Variants in WFDC8 observed in about 807,000 individuals in gnomAD.
WFDC8 encodes the protein WAP four-disulfide core domain protein 8.
A neutral mutation model predicts 27.0 loss-of-function variants in WFDC8; 24 were observed. That is an observed-to-expected ratio of 0.89 (90% CI 0.64 to 1.25). The LOEUF (loss-of-function observed/expected upper bound fraction) is 1.25, where lower values mean the gene tolerates loss of function less well. Among genes scored for constraint, WFDC8 ranks in the 50% most tolerant of loss-of-function variants. The probability of loss-of-function intolerance (pLI) is 0.00; values close to 1 mark genes in which losing one functional copy is unlikely to be tolerated. For missense variants in WFDC8, 287 were observed against 295.9 expected (o/e 0.97, Z 0.22); for synonymous variants, 106 against 99.7 (o/e 1.06, Z -0.38).
At chr20:45,576,373 C>A (rs1398618299) in intron 1 of WFDC8, among the ~76,000 whole-genome samples, 1 of 151,120 alleles carries the variant, frequency 6.6e-6, no homozygotes, top group Non-Finnish European at 1.5e-5. Context: ...CATCCTTTAT[C>A]CTTAAAGATA....
rs968086432 is a variant in WFDC8 at position 45,563,448 on chromosome 20, G to A, written c.27-1229C>T. On this transcript the variant is annotated intron_variant, in intron 1 of 5. Transcript: ENST00000289953. ...TCACATCCTGAATCCACCACTTATC[G>A]GCTGTGTGGCCTGGGTTCAGTCACT... Among the ~76,000 whole-genome samples, 9 of 152,144 alleles carry A rather than the reference G, an allele frequency of 5.9e-5. No homozygotes were observed. The East Asian group carries it at 1.7e-3, about 29-fold the overall frequency.
chr20:45,557,463 C>T (rs1050543888), intron 3 of WFDC8, among the ~76,000 whole-genome samples: 3 of 151,962 alleles, frequency 2.0e-5, no homozygotes, highest in East Asian at 3.9e-4. Flanking sequence ...GAAGGAGTCT[C>T]GCTGTGTCAC....
intron 3 of WFDC8, among the ~76,000 whole-genome samples, chr20:45,557,474 C>G (rs1174408725): frequency 1.3e-5 from 2 of 151,870 alleles, no homozygotes; most frequent in Admixed American, 6.6e-5. Flanking sequence ...GCTGTGTCAC[C>G]CAGGCCGCAG....
Position 45,552,064 on chromosome 20 carries a change from A to G in WFDC8, c.688T>C (p.Ser230Pro). 6.2e-7 allele frequency: 1 copy of G among 1,614,144 alleles called. No homozygotes were observed. Among genetic ancestry groups the G allele is most frequent in the Non-Finnish European group, 8.5e-7 (1 of 1,179,966 alleles). The change falls in exon 6 of 6, where the codon TCA becomes CCA. Residue 230 changes from serine to proline, a missense_variant. Transcript: ENST00000289953. Reference protein sequence around the residue: ...EECPLVEKCCSHCGLKCMDPR... With the variant: ...EECPLVEKCCPHCGLKCMDPR... ...TCCATACATTTCAGTCCACAATGTG[A>G]GCAGCACTTTTCCACCAATGGGCAC...
At chr20:45,575,850 G>A (rs2145579078) in intron 1 of WFDC8, among the ~76,000 whole-genome samples, 1 of 151,344 alleles carries the variant, frequency 6.6e-6, no homozygotes, top group East Asian at 1.9e-4. Context: ...AGAGCTCCTA[G>A]CTCACACCCC....
At chr20:45,564,165 T>C (rs1044854424) in intron 1 of WFDC8, among the ~76,000 whole-genome samples, 3 of 152,156 alleles carry the variant, frequency 2.0e-5, no homozygotes, top group African/African-American at 4.8e-5. Context: ...ATGAGCATAA[T>C]TGCAAGAGTT....
At chr20:45,553,407 G>A (rs1312615510) in intron 4 of WFDC8, 131 bp from the exon 5 acceptor site, 1 of 1,141,304 alleles carries the variant, frequency 8.8e-7, no homozygotes, top group East Asian at 2.6e-5. Flanking sequence ...TCCATCTCCA[G>A]TAGGCTGTGG....
chr20:45,562,156 G>A lies in WFDC8; in HGVS notation c.90C>T (p.Ser30=), dbSNP rs1440697844. The A allele has an allele frequency of 1.1e-5, 18 of 1,614,164 alleles. No homozygotes were observed. The highest frequency in any genetic ancestry group is 1.5e-5 in the Non-Finnish European group (18 of 1,180,028). ...TTGCAGAAGTCCACTCCAAAGCAAG[G>A]GAGAGAAGCAGCAGGAAAGCTACAT... ...WRNVAFLLLL[S]LALEWTSAML... is the part of the protein sequence containing the mutation. Residue 30 remains serine (S), a synonymous_variant, in exon 2 of 6, where the codon TCC becomes TCT. Coordinates refer to ENST00000289953, the MANE Select transcript of WFDC8 (RefSeq NM_130896.3).
At chr20:45,558,708 T>C in intron 3 of WFDC8, 144 bp downstream of exon 3, 1 of 972,172 alleles carries the variant, frequency 1.0e-6, no homozygotes, top group Non-Finnish European at 1.5e-6. Context: ...ACTTATGACT[T>C]GTACTTGAGG....
chr20:45,577,238 G>A (rs1981075350), intron 1 of WFDC8, among the ~76,000 whole-genome samples: 1 of 151,202 alleles, frequency 6.6e-6, no homozygotes, highest in African/African-American at 2.4e-5. Context: ...TAAAATGGCT[G>A]CCAAGAATTA....
chr20:45,555,076 G>A (rs1231193865), intron 4 of WFDC8, among the ~76,000 whole-genome samples: 1 of 152,138 alleles, frequency 6.6e-6, no homozygotes, highest in Non-Finnish European at 1.5e-5. Flanking sequence ...ACAACTCAAC[G>A]AGCTGTTTGC....
At chr20:45,566,649 C>A (rs1011968782) in intron 1 of WFDC8, among the ~76,000 whole-genome samples, 1 of 151,872 alleles carries the variant, frequency 6.6e-6, no homozygotes, top group African/African-American at 2.4e-5. Flanking sequence ...GGCAACAGAG[C>A]GAGACTCTGT....
intron 1 of WFDC8, among the ~76,000 whole-genome samples, chr20:45,567,228 T>A (rs1021150002): frequency 1.3e-5 from 2 of 152,216 alleles, no homozygotes; most frequent in African/African-American, 4.8e-5. Context: ...CATGGAATCA[T>A]GTTCTCATTC....
Position 45,553,232 on chromosome 20 carries a change from C to G in WFDC8, c.490G>C (p.Glu164Gln), listed in dbSNP as rs1165993706. The G allele has an allele frequency of 6.2e-7, 1 of 1,613,830 alleles. No homozygotes were observed. The highest frequency in any genetic ancestry group is 1.1e-5 in the South Asian group (1 of 91,058). The change falls in exon 5 of 6, where the codon GAG becomes CAG. Residue 164 changes from glutamate (E) to glutamine (Q), a missense_variant. Coordinates refer to ENST00000289953, the MANE Select transcript of WFDC8 (RefSeq NM_130896.3). ...TCACTGTGACATGAAGGTGGACACTCCTTACGTTCAGTGAAAGGGAAGAGT... is the reference window on the plus strand; with the variant it reads ...TCACTGTGACATGAAGGTGGACACTGCTTACGTTCAGTGAAAGGGAAGAGT... ...CPLFPFTERKECPPSCHSDID... is the reference protein window; with the variant it reads ...CPLFPFTERKQCPPSCHSDID...
At chr20:45,570,706 T>C (rs931804610) in intron 1 of WFDC8, among the ~76,000 whole-genome samples, 7 of 152,176 alleles carry the variant, frequency 4.6e-5, no homozygotes, top group Non-Finnish European at 7.4e-5. Flanking sequence ...ATGTGACCAG[T>C]GTATGTTTGT....
chr20:45,570,875 G>A (rs905938699), intron 1 of WFDC8, among the ~76,000 whole-genome samples: 2 of 152,152 alleles, frequency 1.3e-5, no homozygotes, highest in African/African-American at 4.8e-5. Context: ...GATGTGCAGT[G>A]GTAAGACTGC....
intron 4 of WFDC8, among the ~76,000 whole-genome samples, chr20:45,554,276 C>A (rs1224736923): frequency 2.0e-5 from 3 of 152,122 alleles, no homozygotes; most frequent in Non-Finnish European, 4.4e-5. Context: ...GATCCTCTTG[C>A]CTCAGCCTCC....
chr20:45,552,862 C>A (rs1980088820), intron 5 of WFDC8, among the ~76,000 whole-genome samples: 1 of 152,138 alleles, frequency 6.6e-6, no homozygotes, highest in Non-Finnish European at 1.5e-5. Flanking sequence ...TGTCACCTTG[C>A]AAGTCATTGA....
chr20:45,564,257 C>T (rs905477058), intron 1 of WFDC8, among the ~76,000 whole-genome samples: 6 of 152,086 alleles, frequency 3.9e-5, no homozygotes, highest in Non-Finnish European at 7.4e-5. Context: ...CTGGAATACA[C>T]GGACACAAAT....
Sources: gnomAD v4.1 joint callset for allele counts (sites outside exome capture counted in the v4.1 genomes callset) on GRCh38, gnomAD v4.1.1 for gene constraint, MANE v1.5 for transcripts, NCBI Gene and HGNC (gene_info 2026-07-23, HGNC 2026-07-21) for gene names.